EPHA6: variants seen among roughly 807,000 people sequenced by gnomAD.
EPHA6 encodes the protein EPH receptor A6.
EPHA6 carries 50 observed loss-of-function variants against 112.0 expected under a neutral mutation model. That is an observed-to-expected ratio of 0.45 (90% CI 0.36 to 0.56). The LOEUF is 0.56. EPHA6 is among the 20% of genes least tolerant of loss of function. EPHA6 has a pLI of 0.00. For missense variants in EPHA6, 1,280 were observed against 1,417.4 expected (o/e 0.90, Z 1.56); for synonymous variants, 529 against 490.7 (o/e 1.08, Z -1.03).
intron 6 of EPHA6, among the ~76,000 whole-genome samples, chr3:97,423,509 A>C (rs962096163): frequency 6.6e-6 from 1 of 152,194 alleles, no homozygotes; most frequent in Non-Finnish European, 1.5e-5. Context: ...CAGACAACAC[A>C]TACAAATGGA....
At chr3:97,157,761 T>C (rs2076322588) in intron 3 of EPHA6, among the ~76,000 whole-genome samples, 1 of 152,126 alleles carries the variant, frequency 6.6e-6, no homozygotes, top group Non-Finnish European at 1.5e-5. Context: ...GAGGAGTTCC[T>C]TCTTACTCAG....
rs557071068 is a variant in EPHA6 at position 96,913,223 on chromosome 3, G to C, written c.450+46334G>C. 1.3e-4 allele frequency among the ~76,000 whole-genome samples: 19 copies of C among 146,494 alleles called. No individual in the cohort carries two copies. The South Asian group carries it at 4.2e-3, about 32-fold the overall frequency. On this transcript the variant is annotated intron_variant, in intron 2 of 17. Transcript: ENST00000389672. ...ACACACACACACACACCACACACAC[G>C]GGCATGGTGACACATACCTGTAGTC... is the stretch of plus-strand genomic sequence containing the variant.
intron 1 of EPHA6, among the ~76,000 whole-genome samples, chr3:96,864,858 G>C (rs886408160): frequency 1.3e-5 from 2 of 151,996 alleles, no homozygotes; most frequent in African/African-American, 4.8e-5. Context: ...ATATGTCATT[G>C]CATTAAGGAA....
At chr3:97,701,198 A>G (rs1009199820) in intron 14 of EPHA6, among the ~76,000 whole-genome samples, 3 of 152,214 alleles carry the variant, frequency 2.0e-5, no homozygotes, top group Non-Finnish European at 4.4e-5. Context: ...ATGTCCATAT[A>G]TGAGAAATGG....
chr3:97,645,879 G>A (rs1199472808), intron 14 of EPHA6, among the ~76,000 whole-genome samples: 1 of 151,852 alleles, frequency 6.6e-6, no homozygotes, highest in East Asian at 1.9e-4. Flanking sequence ...CTCATTATTT[G>A]TAAATGTTTT....
At chr3:96,889,479 G>T (rs1014010918) in intron 2 of EPHA6, among the ~76,000 whole-genome samples, 1 of 152,120 alleles carries the variant, frequency 6.6e-6, no homozygotes, top group African/African-American at 2.4e-5. Context: ...CATGGTGGTG[G>T]CAAGAGAGAA....
intron 5 of EPHA6, among the ~76,000 whole-genome samples, chr3:97,375,142 T>C (rs905950140): frequency 6.6e-6 from 1 of 152,144 alleles, no homozygotes; most frequent in Non-Finnish European, 1.5e-5. Context: ...TGCCAGCTCA[T>C]GAAGTTTAGA....
At chr3:96,921,642 C>G (rs960812489) in intron 2 of EPHA6, among the ~76,000 whole-genome samples, 6 of 150,776 alleles carry the variant, frequency 4.0e-5, no homozygotes, top group African/African-American at 1.5e-4. Flanking sequence ...GATTCCAGCT[C>G]ACTGCAACCT....
At chr3:97,026,229 G>C (rs1389162319) in intron 3 of EPHA6, among the ~76,000 whole-genome samples, 5 of 147,794 alleles carry the variant, frequency 3.4e-5, no homozygotes, top group Non-Finnish European at 7.4e-5. Context: ...TGTTCTTTTT[G>C]CTTCGGATTG....
At chr3:97,541,467 C>A (rs566091858) in intron 11 of EPHA6, among the ~76,000 whole-genome samples, 1 of 152,236 alleles carries the variant, frequency 6.6e-6, no homozygotes, top group East Asian at 1.9e-4. Context: ...ACTTAAAAGA[C>A]TTTTGCATCA....
intron 15 of EPHA6, among the ~76,000 whole-genome samples, chr3:97,725,617 G>T (rs2034727715): frequency 6.6e-6 from 1 of 152,080 alleles, no homozygotes. Flanking sequence ...GAAAAGACCA[G>T]TCGGGCTTTA....
At chr3:96,943,124 C>T (rs537916282) in intron 2 of EPHA6, among the ~76,000 whole-genome samples, 153 of 152,262 alleles carry the variant, frequency 1.0e-3, no homozygotes, top group Non-Finnish European at 1.6e-3. Flanking sequence ...ACTTATTTCA[C>T]GTCCTCCAGG....
chr3:96,815,278 G>A (rs1303193824), intron 1 of EPHA6, among the ~76,000 whole-genome samples: 4 of 152,134 alleles, frequency 2.6e-5, no homozygotes, highest in Non-Finnish European at 5.9e-5. Flanking sequence ...GCTAGCGGCC[G>A]TGGGACCGCT....
chr3:97,094,251 G>A (rs1004397392), intron 3 of EPHA6, among the ~76,000 whole-genome samples: 2 of 151,992 alleles, frequency 1.3e-5, no homozygotes, highest in African/African-American at 4.8e-5. Context: ...GTTTTCACGT[G>A]GAAATTATGA....
intron 6 of EPHA6, among the ~76,000 whole-genome samples, chr3:97,416,394 A>C (rs1216325751): frequency 6.6e-6 from 1 of 152,150 alleles, no homozygotes; most frequent in Non-Finnish European, 1.5e-5. Context: ...ATAATTAAAG[A>C]GATGAAACAT....
intron 2 of EPHA6, among the ~76,000 whole-genome samples, chr3:96,943,042 A>G (rs2041061633): frequency 1.3e-5 from 2 of 151,730 alleles, no homozygotes. Flanking sequence ...TCTCTTTTCT[A>G]CTTTTATAAG....
At chr3:97,604,198 A>C (rs1275875617) in intron 12 of EPHA6, among the ~76,000 whole-genome samples, 1 of 151,834 alleles carries the variant, frequency 6.6e-6, no homozygotes, top group Non-Finnish European at 1.5e-5. Context: ...AAATGAGGAA[A>C]CAGAGACAGT....
At chr3:97,132,314 G>A (rs2075650026) in intron 3 of EPHA6, among the ~76,000 whole-genome samples, 1 of 152,018 alleles carries the variant, frequency 6.6e-6, no homozygotes, top group African/African-American at 2.4e-5. Context: ...GGCGCTCAGG[G>A]TTGATTAAAG....
intron 14 of EPHA6, among the ~76,000 whole-genome samples, chr3:97,668,911 CA>C (rs397990599): frequency 0.03 from 960 of 31,574 alleles, no homozygotes; most frequent in Non-Finnish European, 0.037. Context: ...GACTCTGTCT[CA>C]AAAAAAAAAA....
Sources: gnomAD v4.1 joint callset for allele counts (sites outside exome capture counted in the v4.1 genomes callset) on GRCh38, gnomAD v4.1.1 for gene constraint, MANE v1.5 for transcripts, NCBI Gene and HGNC (gene_info 2026-07-23, HGNC 2026-07-21) for gene names.